The following SLC24A4 variants were observed in gnomAD, a reference collection of about 807,000 sequenced individuals.
SLC24A4 encodes the protein sodium/potassium/calcium exchanger 4.
In SLC24A4, 53 loss-of-function variants were observed where a neutral mutation model predicts 79.0. The observed-to-expected ratio is 0.67, with a 90% CI of 0.54 to 0.84. The LOEUF (loss-of-function observed/expected upper bound fraction) is 0.84. Among genes scored for constraint, SLC24A4 ranks in the 40% least tolerant of loss-of-function variants. The pLI, the probability that SLC24A4 is intolerant of heterozygous loss-of-function variation, is 0.00. For synonymous variants in SLC24A4, 323 were observed against 323.8 expected (o/e 1.00, Z 0.03); for missense variants, 731 against 822.0 (o/e 0.89, Z 1.35).
At position 92,327,689 on chromosome 14, in the gene SLC24A4, G is replaced by A. The variant is rs533045234; in HGVS notation, c.241+1711G>A. Among the ~76,000 whole-genome samples the A allele has an allele frequency of 4.5e-4, 69 of 152,266 alleles. 1 individual carries two copies. In the South Asian group the frequency reaches 0.011, roughly 25 times the overall value. ...TAGCCTGAGTATGTTGGCTTAGACG[G>A]GGATCCCTTTCTTATGATAGAGTTC... On this transcript the variant is annotated intron_variant, in intron 2 of 16. Transcript: ENST00000532405.
At chr14:92,457,425 T>C (rs1049018445) in intron 12 of SLC24A4, 1 of 152,762 alleles carries the variant, frequency 6.5e-6, no homozygotes, top group African/African-American at 2.4e-5. Flanking sequence ...CTTTTCACTG[T>C]GACCTTCCCT....
chr14:92,491,611 A>G, intron 14 of SLC24A4, 54 bp from the exon 15 acceptor site: 1 of 1,209,752 alleles, frequency 8.3e-7, no homozygotes, highest in Non-Finnish European at 1.2e-6. Context: ...GAGAAAGAAT[A>G]CAGGCTTCTG....
At chr14:92,372,126 AT>A (rs1190780848) in intron 2 of SLC24A4, among the ~76,000 whole-genome samples, 1 of 152,196 alleles carries the variant, frequency 6.6e-6, no homozygotes, top group Non-Finnish European at 1.5e-5. Flanking sequence ...TCTGGCCTGC[AT>A]TTTGAAGGGG....
intron 2 of SLC24A4, among the ~76,000 whole-genome samples, chr14:92,391,152 T>C (rs1889439202): frequency 6.6e-6 from 1 of 152,094 alleles, no homozygotes. Context: ...CCCTGGCTAG[T>C]CAGTAATTCC....
At position 92,442,079 on chromosome 14, in the gene SLC24A4, TC is replaced by T. The variant is rs1370855210; in HGVS notation, c.394-8del. On this transcript the variant is annotated splice_polypyrimidine_tract_variant and intron_variant, in intron 4 of 16. Transcript: ENST00000532405. ...CACACCCTGAGGGTCTGTGGTCACTTCCGTTTCAGAGACTCCATCTGAGCGA... is the reference window on the plus strand; with the variant it reads ...CACACCCTGAGGGTCTGTGGTCACTTCGTTTCAGAGACTCCATCTGAGCGA... The T allele has an allele frequency of 6.2e-7, 1 of 1,612,520 alleles. No individual in the cohort carries two copies.
intron 2 of SLC24A4, among the ~76,000 whole-genome samples, chr14:92,341,232 G>A (rs931925150): frequency 3.3e-5 from 5 of 152,178 alleles, no homozygotes; most frequent in Non-Finnish European, 7.3e-5. Context: ...ATGCCCTCTG[G>A]TTGCTGAATA....
At chr14:92,376,570 A>C (rs1235493444) in intron 2 of SLC24A4, among the ~76,000 whole-genome samples, 2 of 152,250 alleles carry the variant, frequency 1.3e-5, no homozygotes, top group Non-Finnish European at 2.9e-5. Context: ...GGTCTTCACC[A>C]GCTGACTGGC....
At chr14:92,404,225 T>C (rs1890257196) in intron 2 of SLC24A4, among the ~76,000 whole-genome samples, 1 of 152,236 alleles carries the variant, frequency 6.6e-6, no homozygotes, top group South Asian at 2.1e-4. Flanking sequence ...GGCTGGACTA[T>C]TGCATAGCCC....
rs1004509919 is a variant in SLC24A4 at position 92,494,792 on chromosome 14, C to T, written c.*1164C>T. 5.2e-5 allele frequency: 8 copies of T among 152,534 alleles called. No individual in the cohort carries two copies. Among genetic ancestry groups the T allele is most frequent in the Admixed American group, 2.6e-4 (4 of 15,278 alleles). 9.4% of individuals were successfully genotyped at this position (152,534 alleles called of 1,614,324 possible). ...AGAATTTAGAATATTTAGAGCTAAG[C>T]TTCTGGAACCACGTAGTTTCTACAC... On this transcript the variant is annotated 3_prime_UTR_variant, in exon 17 of 17. Transcript: ENST00000532405. This position sits in a 1 kb window ranked among gnomAD's most constrained non-coding sequence, Gnocchi z 4.6.
intron 2 of SLC24A4, among the ~76,000 whole-genome samples, chr14:92,338,930 A>T (rs1885968279): frequency 6.6e-6 from 1 of 152,046 alleles, no homozygotes; most frequent in Admixed American, 6.5e-5. Flanking sequence ...TCGGACATAG[A>T]CTCTGCTTAT....
chr14:92,341,102 C>G (rs1886115107), intron 2 of SLC24A4, among the ~76,000 whole-genome samples: 1 of 152,188 alleles, frequency 6.6e-6, no homozygotes, highest in Non-Finnish European at 1.5e-5. Flanking sequence ...CATCACACCA[C>G]ACAAGCAGCA....
chr14:92,465,578 G>T (rs1318981835), intron 12 of SLC24A4, among the ~76,000 whole-genome samples: 2 of 152,154 alleles, frequency 1.3e-5, no homozygotes, highest in African/African-American at 4.8e-5. Flanking sequence ...GGGAGCTCTG[G>T]GCCCGGCTTC....
At chr14:92,383,425 C>T (rs899571419) in intron 2 of SLC24A4, among the ~76,000 whole-genome samples, 6 of 151,984 alleles carry the variant, frequency 3.9e-5, no homozygotes, top group African/African-American at 1.5e-4. Context: ...GCATGTGCTG[C>T]GCCCCTGCCT....
At chr14:92,391,264 A>AAG in intron 2 of SLC24A4, among the ~76,000 whole-genome samples, 1 of 152,274 alleles carries the variant, frequency 6.6e-6, no homozygotes, top group East Asian at 1.9e-4. Context: ...GTGCGAGTGG[A>AAG]AGAGATACTG....
intron 2 of SLC24A4, among the ~76,000 whole-genome samples, chr14:92,420,920 T>G (rs1399847900): frequency 1.3e-5 from 2 of 152,100 alleles, no homozygotes; most frequent in African/African-American, 4.8e-5. Flanking sequence ...GGATGCCGAG[T>G]GCCTGTTGTC....
At chr14:92,395,016 A>T (rs1476494630) in intron 2 of SLC24A4, among the ~76,000 whole-genome samples, 1 of 152,148 alleles carries the variant, frequency 6.6e-6, no homozygotes, top group Non-Finnish European at 1.5e-5. Context: ...GGATGGTGTG[A>T]GTGGCATGGG....
chr14:92,408,952 T>A (rs965353885), intron 2 of SLC24A4, among the ~76,000 whole-genome samples: 3 of 152,212 alleles, frequency 2.0e-5, no homozygotes, highest in Non-Finnish European at 4.4e-5. Context: ...GCTGGAGTTT[T>A]CTGAAAGAGA....
Position 92,323,595 on chromosome 14 carries a change from C to T in SLC24A4, c.-236C>T. On this transcript the variant is annotated 5_prime_UTR_variant, in exon 1 of 17. Transcript: ENST00000532405. This position sits in a 1 kb window ranked among gnomAD's most constrained non-coding sequence, Gnocchi z 4.9. ...GCCTCCTCGCCACGGAGCCATGGTG[C>T]GCGCAGCGCGCACGCGGCGCGCGGG... 5.3e-6 allele frequency: 2 copies of T among 374,088 alleles called. No homozygotes were observed. 23.2% of individuals were successfully genotyped at this position (374,088 alleles called of 1,614,324 possible).
intron 2 of SLC24A4, among the ~76,000 whole-genome samples, chr14:92,352,533 TG>T (rs1281902208): frequency 6.6e-6 from 1 of 152,168 alleles, no homozygotes; most frequent in Non-Finnish European, 1.5e-5. Context: ...TCCCCTTCTG[TG>T]GTTTTGCATT....
Sources: gnomAD v4.1 joint callset for allele counts (sites outside exome capture counted in the v4.1 genomes callset) on GRCh38, gnomAD v4.1.1 for gene constraint, Gnocchi (gnomAD v3.1) non-coding constraint, MANE v1.5 for transcripts, NCBI Gene and HGNC (gene_info 2026-07-23, HGNC 2026-07-21) for gene names.